The following IQCK variants were observed in gnomAD, a reference collection of about 807,000 sequenced individuals.
IQCK encodes the protein IQ domain-containing protein K.
A neutral mutation model predicts 28.1 loss-of-function variants in IQCK; 29 were observed. That is an observed-to-expected ratio of 1.03 (90% CI 0.77 to 1.41). The LOEUF is 1.41. IQCK is among the 40% of genes most tolerant of loss of function. The pLI is 0.00. For missense variants in IQCK, 359 were observed against 314.7 expected, an observed-to-expected ratio of 1.14 and a Z score of -1.07; for synonymous variants, 113 against 115.1, an observed-to-expected ratio of 0.98 and a Z score of 0.12.
At chr16:19,759,337 T>TA (rs1361461976) in intron 4 of IQCK, among the ~76,000 whole-genome samples, 6 of 152,074 alleles carry the variant, frequency 3.9e-5, no homozygotes, top group African/African-American at 1.2e-4. Flanking sequence ...GCTTCCTGAG[T>TA]AGCTGGGATT....
intron 6 of IQCK, among the ~76,000 whole-genome samples, chr16:19,767,102 C>A (rs1347401620): frequency 6.6e-6 from 1 of 152,204 alleles, no homozygotes; most frequent in East Asian, 1.9e-4. Context: ...CAGTGCCCTG[C>A]TGCTCAAACC....
chr16:19,814,083 G>A lies in IQCK; in HGVS notation c.691-12943G>A, dbSNP rs1041873978. On this transcript the variant is annotated intron_variant, in intron 7 of 7. Coordinates refer to ENST00000564186, the Ensembl canonical transcript of IQCK. ...AAATACAAAAAAATTAGTTGGGTGT[G>A]GTGGCGGGTAACTGTAATCCCGGCT... Among the ~76,000 whole-genome samples, 3 of 152,006 alleles carry A rather than the reference G, an allele frequency of 2.0e-5. No homozygotes were observed. In the South Asian group the frequency reaches 6.2e-4, roughly 32 times the overall value.
At chr16:19,810,030 C>T (rs546385112) in intron 7 of IQCK, among the ~76,000 whole-genome samples, 202 of 152,222 alleles carry the variant, frequency 1.3e-3, no homozygotes, top group African/African-American at 4.5e-3. Flanking sequence ...TGTGGTGGTA[C>T]GACTCAGCCT....
rs1009469185 is a variant in IQCK at position 19,750,695 on chromosome 16, C to T, written c.475-13153C>T. On this transcript the variant is annotated intron_variant, in intron 4 of 7. Coordinates refer to ENST00000564186, the Ensembl canonical transcript of IQCK. Reference sequence around the variant, plus strand: ...CAGGCTGGTCTCGAACTCCTGACCTCAAGTGATCCATCCAACTTGGCCTCC... The same window carrying T: ...CAGGCTGGTCTCGAACTCCTGACCTTAAGTGATCCATCCAACTTGGCCTCC... Among the ~76,000 whole-genome samples the T allele has an allele frequency of 3.3e-5, 5 of 152,152 alleles. No homozygotes were observed. In the East Asian group the frequency reaches 9.7e-4, roughly 29 times the overall value.
rs1252691627 is a variant in IQCK at position 19,825,749 on chromosome 16, T to G, written c.691-1277T>G. 6.6e-6 allele frequency among the ~76,000 whole-genome samples: 1 copy of G among 152,170 alleles called. No homozygotes were observed. The highest frequency in any genetic ancestry group is 1.5e-5 in the Non-Finnish European group (1 of 68,006). Reference sequence around the variant, plus strand: ...CAATAAATATGAGCTATAATAAAAATAAAAATAATTATTGTTGAAATTACT... The same window carrying G: ...CAATAAATATGAGCTATAATAAAAAGAAAAATAATTATTGTTGAAATTACT... On this transcript the variant is annotated intron_variant, in intron 7 of 7. Transcript: ENST00000564186. This position sits in a 1 kb window ranked among gnomAD's most constrained non-coding sequence, Gnocchi z 4.2.
intron 1 of IQCK, among the ~76,000 whole-genome samples, chr16:19,726,753 T>G (rs930955921): frequency 6.6e-6 from 1 of 152,178 alleles, no homozygotes; most frequent in Non-Finnish European, 1.5e-5. Flanking sequence ...CATTCGTTCA[T>G]TCATTCAGCC....
chr16:19,837,189 G>T (rs1439078991), intron 9 of IQCK, among the ~76,000 whole-genome samples: 1 of 152,092 alleles, frequency 6.6e-6, no homozygotes, highest in Non-Finnish European at 1.5e-5. Context: ...TCACTCGAGA[G>T]CCCAGGAGTT....
intron 6 of IQCK, among the ~76,000 whole-genome samples, chr16:19,781,141 T>G (rs1422220651): frequency 6.6e-6 from 1 of 152,216 alleles, no homozygotes; most frequent in Non-Finnish European, 1.5e-5. Flanking sequence ...GTGGGTCTCC[T>G]TAAATTTTTC....
intron 7 of IQCK, among the ~76,000 whole-genome samples, chr16:19,810,089 A>G (rs1255737160): frequency 6.6e-6 from 1 of 152,094 alleles, no homozygotes; most frequent in Non-Finnish European, 1.5e-5. Context: ...GTGGGCAGCC[A>G]AGCTAAGAAC....
intron 7 of IQCK, among the ~76,000 whole-genome samples, chr16:19,810,524 A>G (rs1419695705): frequency 7.4e-6 from 1 of 134,876 alleles, no homozygotes; most frequent in Non-Finnish European, 1.6e-5. Flanking sequence ...AAGAAAATAG[A>G]GATGGTAGCC....
intron 4 of IQCK, among the ~76,000 whole-genome samples, chr16:19,756,896 C>CAAAAA (rs34600488): frequency 1.0e-5 from 1 of 96,196 alleles, no homozygotes; most frequent in East Asian, 3.3e-4. Flanking sequence ...GGCTCCATGT[C>CAAAAA]AAAAAAAAAA....
At position 19,818,455 on chromosome 16, in the gene IQCK, C is replaced by T. The variant is rs148947379; in HGVS notation, c.691-8571C>T. On this transcript the variant is annotated intron_variant, in intron 7 of 7. Coordinates refer to ENST00000564186, the Ensembl canonical transcript of IQCK. The stretch of plus-strand genomic sequence containing the variant: ...TCATTCAGGCTGGAGTGCAATGGCA[C>T]GATCTTGGCTCACTGCAACCTCCGC... 1.1e-4 allele frequency among the ~76,000 whole-genome samples: 17 copies of T among 152,228 alleles called. No individual in the cohort carries two copies. The East Asian group carries it at 2.1e-3, about 19-fold the overall frequency.
intron 4 of IQCK, among the ~76,000 whole-genome samples, chr16:19,741,281 C>T (rs1269287918): frequency 6.6e-6 from 1 of 152,078 alleles, no homozygotes; most frequent in Non-Finnish European, 1.5e-5. Flanking sequence ...ATGTATATTC[C>T]ATTGTGCAAC....
chr16:19,785,063 G>A (rs771890524), intron 6 of IQCK, among the ~76,000 whole-genome samples: 1 of 152,146 alleles, frequency 6.6e-6, no homozygotes, highest in South Asian at 2.1e-4. Context: ...GAGCCACGGC[G>A]CCCCGCCTCA....
At chr16:19,817,555 G>A (rs1026712829) in intron 7 of IQCK, among the ~76,000 whole-genome samples, 1 of 152,140 alleles carries the variant, frequency 6.6e-6, no homozygotes, top group African/African-American at 2.4e-5. Flanking sequence ...CGCTAAACTG[G>A]TCAGCAGAAC....
chr16:19,743,028 G>A (rs920206063), intron 4 of IQCK, among the ~76,000 whole-genome samples: 4 of 152,134 alleles, frequency 2.6e-5, no homozygotes, highest in African/African-American at 9.7e-5. Flanking sequence ...AAAATTAGTT[G>A]GGCATGGTGG....
At chr16:19,718,325 A>C in exon 1 of IQCK, 1 of 1,608,468 alleles carries the variant, frequency 6.2e-7, no homozygotes, top group Non-Finnish European at 8.5e-7. Flanking sequence ...ACCGCGGCAA[A>C]TCCCCAGCCA....
intron 7 of IQCK, among the ~76,000 whole-genome samples, chr16:19,810,335 A>G (rs1345656067): frequency 6.6e-6 from 1 of 151,342 alleles, no homozygotes; most frequent in Non-Finnish European, 1.5e-5. Context: ...TCTATACTAA[A>G]AAATACAAAA....
At chr16:19,799,641 C>CA (rs1491333180) in intron 7 of IQCK, among the ~76,000 whole-genome samples, 3 of 122,254 alleles carry the variant, frequency 2.5e-5, no homozygotes, top group South Asian at 2.5e-4. Flanking sequence ...CACACACACA[C>CA]CCAGTGAATA....
Sources: gnomAD v4.1 joint callset for allele counts (sites outside exome capture counted in the v4.1 genomes callset) on GRCh38, gnomAD v4.1.1 for gene constraint, Gnocchi (gnomAD v3.1) non-coding constraint, MANE v1.5 for transcripts, NCBI Gene and HGNC (gene_info 2026-07-23, HGNC 2026-07-21) for gene names.